ARHGAP44: variants seen among roughly 807,000 people sequenced by gnomAD.
ARHGAP44 encodes the protein rho GTPase-activating protein 44.
In ARHGAP44, 43 loss-of-function variants were observed where a neutral mutation model predicts 106.8. The observed-to-expected ratio is 0.40, with a 90% confidence interval of 0.32 to 0.52. ARHGAP44 has a LOEUF of 0.52. Ranked by LOEUF, ARHGAP44 falls within the 20% of genes least tolerant of loss-of-function variation. The pLI, the probability that ARHGAP44 is intolerant of heterozygous loss-of-function variation, is 0.48. For synonymous variants in ARHGAP44, 439 were observed against 410.3 expected (o/e 1.07, Z -0.85); for missense variants, 866 against 1,050.5 (o/e 0.82, Z 2.43).
intron 1 of ARHGAP44, among the ~76,000 whole-genome samples, chr17:12,884,414 A>C (rs1407862705): frequency 6.6e-6 from 1 of 152,136 alleles, no homozygotes; most frequent in Admixed American, 6.5e-5. Flanking sequence ...TGTAATGTTT[A>C]TTACATTTTA....
chr17:12,936,627 C>T (rs1285883027), intron 7 of ARHGAP44, among the ~76,000 whole-genome samples: 2 of 152,196 alleles, frequency 1.3e-5, no homozygotes, highest in African/African-American at 4.8e-5. Context: ...CAAGTTTGGG[C>T]AATTATGAAC....
intron 1 of ARHGAP44, among the ~76,000 whole-genome samples, chr17:12,841,577 G>GTCTGTCTGTC (rs369886457): frequency 0.031 from 3,691 of 119,324 alleles, 136 homozygotes; most frequent in African/African-American, 0.072. Flanking sequence ...GTGAGACCCT[G>GTCTGTCTGTC]TCTCTCTGTC....
intron 1 of ARHGAP44, among the ~76,000 whole-genome samples, chr17:12,869,793 CTTT>C (rs75326547): frequency 3.4e-5 from 5 of 149,150 alleles, no homozygotes; most frequent in African/African-American, 9.8e-5. Flanking sequence ...ATATATGTAA[CTTT>C]TTTTTTTTAC....
intron 13 of ARHGAP44, among the ~76,000 whole-genome samples, chr17:12,954,052 T>C (rs2039064437): frequency 6.9e-6 from 1 of 144,306 alleles, no homozygotes; most frequent in South Asian, 2.2e-4. Flanking sequence ...CATGCCTGGC[T>C]AATTTTTGTG....
intron 13 of ARHGAP44, chr17:12,955,620 C>G: frequency 2.5e-6 from 1 of 405,648 alleles, no homozygotes; most frequent in Non-Finnish European, 4.5e-6. Context: ...AAGAAGGAGA[C>G]TTTCTGGCCA....
At chr17:12,931,049 A>ATGTT (rs938894009) in intron 7 of ARHGAP44, among the ~76,000 whole-genome samples, 1 of 152,034 alleles carries the variant, frequency 6.6e-6, no homozygotes, top group Non-Finnish European at 1.5e-5. Context: ...AGTTATTTAT[A>ATGTT]TGTTTGTTTG....
At chr17:12,905,731 C>T (rs2037527280) in intron 3 of ARHGAP44, among the ~76,000 whole-genome samples, 1 of 152,208 alleles carries the variant, frequency 6.6e-6, no homozygotes, top group Admixed American at 6.5e-5. Context: ...ATCCTCTCTT[C>T]TTTGTCCAAT....
intron 7 of ARHGAP44, among the ~76,000 whole-genome samples, chr17:12,933,425 C>G (rs2038456801): frequency 6.6e-6 from 1 of 152,218 alleles, no homozygotes; most frequent in East Asian, 1.9e-4. Flanking sequence ...ACAAAACCCA[C>G]TGAGCCCTCA....
intron 1 of ARHGAP44, among the ~76,000 whole-genome samples, chr17:12,847,207 A>G (rs1411402665): frequency 1.3e-5 from 2 of 152,188 alleles, no homozygotes; most frequent in African/African-American, 4.8e-5. Context: ...TGGGCCACAC[A>G]TGATTGGCAA....
At chr17:12,892,940 A>G (rs2037091410) in intron 1 of ARHGAP44, among the ~76,000 whole-genome samples, 1 of 151,802 alleles carries the variant, frequency 6.6e-6, no homozygotes, top group South Asian at 2.1e-4. Context: ...TTTCATAATG[A>G]ATACTTTAAT....
At chr17:12,849,594 T>TTTTTTTTTTTTTG (rs11373135) in intron 1 of ARHGAP44, among the ~76,000 whole-genome samples, 11 of 112,456 alleles carry the variant, frequency 9.8e-5, no homozygotes, top group East Asian at 2.9e-4. Flanking sequence ...TTTTTTTTTT[T>TTTTTTTTTTTTTG]GCTTGGCTTC....
At chr17:12,825,455 A>G (rs2034892932) in intron 1 of ARHGAP44, among the ~76,000 whole-genome samples, 1 of 151,496 alleles carries the variant, frequency 6.6e-6, no homozygotes, top group Admixed American at 6.6e-5. Flanking sequence ...ATAGAGAGAG[A>G]GAGATTGATT....
intron 1 of ARHGAP44, among the ~76,000 whole-genome samples, chr17:12,890,451 T>A (rs1301698241): frequency 6.6e-6 from 1 of 152,102 alleles, no homozygotes; most frequent in Non-Finnish European, 1.5e-5. Flanking sequence ...GTTACTTGAG[T>A]AATGGCTGGG....
intron 7 of ARHGAP44, among the ~76,000 whole-genome samples, chr17:12,934,285 A>G (rs569752613): frequency 1.3e-5 from 2 of 152,190 alleles, no homozygotes; most frequent in South Asian, 2.1e-4. Context: ...TTGAAAGTCA[A>G]ACTTGAGTCT....
At chr17:12,851,858 G>A (rs1010855525) in intron 1 of ARHGAP44, among the ~76,000 whole-genome samples, 10 of 151,996 alleles carry the variant, frequency 6.6e-5, no homozygotes, top group Non-Finnish European at 1.2e-4. Context: ...AAATAGAGAC[G>A]ATGGCCGCAT....
At chr17:12,950,907 A>G (rs747390393) in intron 12 of ARHGAP44, among the ~76,000 whole-genome samples, 8 of 152,192 alleles carry the variant, frequency 5.3e-5, no homozygotes, top group Non-Finnish European at 1.0e-4. Flanking sequence ...CAGGAACAAC[A>G]GTGAAATATG....
intron 4 of ARHGAP44, among the ~76,000 whole-genome samples, chr17:12,914,230 A>G (rs1343246628): frequency 3.3e-5 from 5 of 152,192 alleles, no homozygotes; most frequent in African/African-American, 1.2e-4. Context: ...GAAGGAGATA[A>G]TAATTTGTAT....
Position 12,958,485 on chromosome 17 carries a change from T to C in ARHGAP44, c.1343-232T>C, listed in dbSNP as rs1021372496. Reference sequence around the variant, plus strand: ...TATCCGTTCCTGTTTTTACAAACTTTTTTTTTTTTTCACAAATTGACATTG... The same window carrying C: ...TATCCGTTCCTGTTTTTACAAACTTCTTTTTTTTTTCACAAATTGACATTG... On this transcript the variant is annotated intron_variant, in intron 15 of 20. Coordinates refer to ENST00000379672, the MANE Select transcript of ARHGAP44 (RefSeq NM_014859.6). The surrounding 1 kb of genome is among the most constrained non-coding windows in gnomAD (Gnocchi z 4.1). Among the ~76,000 whole-genome samples, 5 of 151,224 alleles carry C rather than the reference T, an allele frequency of 3.3e-5. No individual in the cohort carries two copies. The highest frequency in any genetic ancestry group is 1.2e-4 in the African/African-American group (5 of 40,636).
chr17:12,901,047 C>A lies in ARHGAP44; in HGVS notation c.198+4536C>A, dbSNP rs556157392. The stretch of plus-strand genomic sequence containing the variant: ...CAAGCAATTCTCCTGCCTCAGCCTC[C>A]CAAGTAGCTGAGATTACAGGCACCT... On this transcript the variant is annotated intron_variant, in intron 3 of 20. Coordinates refer to ENST00000379672, the MANE Select transcript of ARHGAP44 (RefSeq NM_014859.6). Among the ~76,000 whole-genome samples, 38 of 151,982 alleles carry A rather than the reference C, an allele frequency of 2.5e-4. No homozygotes were observed. In the South Asian group the frequency reaches 7.3e-3, roughly 29 times the overall value.
Sources: gnomAD v4.1 joint callset for allele counts (sites outside exome capture counted in the v4.1 genomes callset) on GRCh38, gnomAD v4.1.1 for gene constraint, Gnocchi (gnomAD v3.1) non-coding constraint, MANE v1.5 for transcripts, NCBI Gene and HGNC (gene_info 2026-07-23, HGNC 2026-07-21) for gene names.